Variants in PXDNL observed in about 807,000 individuals in gnomAD.
PXDNL encodes the protein probable oxidoreductase PXDNL.
In PXDNL, 145 loss-of-function variants were observed where a neutral mutation model predicts 150.8. The ratio of observed to expected loss-of-function variants is 0.96; its 90% CI spans 0.84 to 1.10. The LOEUF (loss-of-function observed/expected upper bound fraction) is 1.10, where lower values mean the gene tolerates loss of function less well. Among genes scored for constraint, PXDNL ranks in the 50% least tolerant of loss-of-function variants. The probability of loss-of-function intolerance (pLI) is 0.00; values close to 1 mark genes in which losing one functional copy is unlikely to be tolerated. For synonymous variants in PXDNL, 757 were observed against 725.7 expected, an observed-to-expected ratio of 1.04 and a Z score of -0.69; for missense variants, 2,087 against 1,873.9, an observed-to-expected ratio of 1.11 and a Z score of -2.10.
At chr8:51,794,818 C>G (rs1467622123) in intron 1 of PXDNL, among the ~76,000 whole-genome samples, 4 of 152,130 alleles carry the variant, frequency 2.6e-5, no homozygotes, top group Non-Finnish European at 5.9e-5. Context: ...TAATATTAAT[C>G]TTAAATGTAA....
intron 2 of PXDNL, among the ~76,000 whole-genome samples, chr8:51,598,867 A>G (rs1159828454): frequency 6.6e-6 from 1 of 151,480 alleles, no homozygotes; most frequent in African/African-American, 2.4e-5. Flanking sequence ...CATTTGGTAC[A>G]AGGCTTATTT....
At chr8:51,602,106 AT>A (rs71550274) in intron 2 of PXDNL, among the ~76,000 whole-genome samples, 12,784 of 148,936 alleles carry the variant, frequency 0.086, 619 homozygotes, top group South Asian at 0.097. Flanking sequence ...TTTGTATGTG[AT>A]TTTTTTTTTC....
intron 21 of PXDNL, among the ~76,000 whole-genome samples, chr8:51,327,848 A>C (rs114832635): frequency 0.032 from 4,805 of 152,340 alleles, 242 homozygotes; most frequent in African/African-American, 0.11. Flanking sequence ...GCTAAGGTTG[A>C]AGGGCAAACC....
intron 2 of PXDNL, among the ~76,000 whole-genome samples, chr8:51,638,286 C>G (rs1469735969): frequency 6.6e-6 from 1 of 152,166 alleles, no homozygotes; most frequent in Non-Finnish European, 1.5e-5. Flanking sequence ...GAAGAAACTG[C>G]ATCAACTAAC....
At chr8:51,503,474 G>A (rs574444375) in intron 4 of PXDNL, among the ~76,000 whole-genome samples, 1 of 152,248 alleles carries the variant, frequency 6.6e-6, no homozygotes, top group South Asian at 2.1e-4. Context: ...TTTATGTGAT[G>A]GCTTTAGCAG....
At chr8:51,612,499 T>C (rs956036933) in intron 2 of PXDNL, among the ~76,000 whole-genome samples, 1 of 152,212 alleles carries the variant, frequency 6.6e-6, no homozygotes, top group African/African-American at 2.4e-5. Context: ...GGCATGGTTC[T>C]ATGGTCTGAA....
intron 4 of PXDNL, among the ~76,000 whole-genome samples, chr8:51,540,653 A>G (rs1812195717): frequency 6.6e-6 from 1 of 152,152 alleles, no homozygotes; most frequent in Non-Finnish European, 1.5e-5. Context: ...TCGGGGAATG[A>G]TACTTATGTG....
chr8:51,635,750 G>C (rs1411845956), intron 2 of PXDNL, among the ~76,000 whole-genome samples: 2 of 151,934 alleles, frequency 1.3e-5, no homozygotes, highest in Non-Finnish European at 2.9e-5. Context: ...AGACCAGATA[G>C]TTTCACTCGT....
intron 20 of PXDNL, among the ~76,000 whole-genome samples, chr8:51,341,385 T>C (rs1805980504): frequency 6.6e-6 from 1 of 152,198 alleles, no homozygotes; most frequent in African/African-American, 2.4e-5. Context: ...TATAAATATA[T>C]TCACCACCTC....
chr8:51,738,187 A>C (rs1341561288), intron 1 of PXDNL, among the ~76,000 whole-genome samples: 1 of 152,162 alleles, frequency 6.6e-6, no homozygotes, highest in African/African-American at 2.4e-5. Flanking sequence ...AGTCTTACTG[A>C]CCTTCCTCCT....
chr8:51,530,508 A>AT (rs1563451931), intron 4 of PXDNL, among the ~76,000 whole-genome samples: 1 of 152,026 alleles, frequency 6.6e-6, no homozygotes, highest in Admixed American at 6.5e-5. Flanking sequence ...TCCCCAGTAT[A>AT]TTTCTCCTGC....
intron 5 of PXDNL, among the ~76,000 whole-genome samples, chr8:51,496,145 T>C (rs1288418305): frequency 6.6e-6 from 1 of 152,218 alleles, no homozygotes; most frequent in Non-Finnish European, 1.5e-5. Context: ...TCAATAAATG[T>C]AATCCAGCAT....
At chr8:51,561,359 A>C (rs1338032687) in intron 3 of PXDNL, among the ~76,000 whole-genome samples, 1 of 151,942 alleles carries the variant, frequency 6.6e-6, no homozygotes, top group Admixed American at 6.6e-5. Context: ...CCAAGTGTCC[A>C]TTGGAGAGTG....
At chr8:51,633,405 A>G (rs548151683) in intron 2 of PXDNL, among the ~76,000 whole-genome samples, 2 of 152,260 alleles carry the variant, frequency 1.3e-5, no homozygotes, top group African/African-American at 4.8e-5. Flanking sequence ...TCCTTTGGGT[A>G]TATACCCTGC....
intron 1 of PXDNL, among the ~76,000 whole-genome samples, chr8:51,711,558 C>T (rs1303166737): frequency 1.3e-5 from 2 of 152,124 alleles, no homozygotes; most frequent in Non-Finnish European, 1.5e-5. Context: ...TCATGAAGCT[C>T]CAGAATTATG....
At chr8:51,599,863 T>C (rs1309922243) in intron 2 of PXDNL, among the ~76,000 whole-genome samples, 2 of 118,648 alleles carry the variant, frequency 1.7e-5, no homozygotes, top group Non-Finnish European at 3.3e-5. Context: ...ATAAATGACA[T>C]CGTTTAGATA....
chr8:51,679,126 C>T (rs1185066057), intron 1 of PXDNL, among the ~76,000 whole-genome samples: 1 of 152,214 alleles, frequency 6.6e-6, no homozygotes, highest in East Asian at 1.9e-4. Flanking sequence ...AAAACTGGCA[C>T]TTTTCCCATT....
chr8:51,573,216 T>C (rs1322008699), intron 3 of PXDNL, among the ~76,000 whole-genome samples: 1 of 151,974 alleles, frequency 6.6e-6, no homozygotes, highest in Non-Finnish European at 1.5e-5. Flanking sequence ...ATCCTCACAC[T>C]TGTGAGGCTA....
intron 2 of PXDNL, among the ~76,000 whole-genome samples, chr8:51,617,807 C>G (rs1814161809): frequency 6.6e-6 from 1 of 152,232 alleles, no homozygotes; most frequent in African/African-American, 2.4e-5. Flanking sequence ...AGCAGAGCTA[C>G]TTCTCCCACT....
Sources: allele counts gnomAD v4.1 joint callset (sites outside exome capture counted in the v4.1 genomes callset), GRCh38; gene constraint gnomAD v4.1.1; transcripts MANE v1.5; gene names NCBI Gene and HGNC (gene_info 2026-07-23, HGNC 2026-07-21).